The following GPR153 variants were observed in gnomAD, a reference collection of about 807,000 sequenced individuals.
The protein encoded by GPR153 is G protein-coupled receptor 153.
GPR153 carries 27 observed loss-of-function variants against 34.1 expected under a neutral mutation model. The ratio of observed to expected loss-of-function variants is 0.79; its 90% CI spans 0.58 to 1.09. The LOEUF (loss-of-function observed/expected upper bound fraction) is 1.09. Ranked by LOEUF, GPR153 falls within the 50% of genes least tolerant of loss-of-function variation. The pLI, the probability that GPR153 is intolerant of heterozygous loss-of-function variation, is 0.00. For synonymous variants in GPR153, 408 were observed against 405.4 expected (o/e 1.01, Z -0.08); for missense variants, 848 against 860.2 (o/e 0.99, Z 0.18).
intron 1 of GPR153, among the ~76,000 whole-genome samples, chr1:6,260,376 T>TCCC (rs1258623746): frequency 7.4e-4 from 10 of 13,472 alleles, no homozygotes; most frequent in South Asian, 2.3e-3. Flanking sequence ...GGGGCTCCGA[T>TCCC]CCCCCCCCCC....
chr1:6,253,179 G>T (rs920027041), intron 3 of GPR153, among the ~76,000 whole-genome samples: 11 of 152,184 alleles, frequency 7.2e-5, no homozygotes, highest in African/African-American at 2.7e-4. Context: ...ATCACCTGAG[G>T]TCAGGAGTTC....
In GPR153 at chr1:6,253,806, G is replaced by A. The variant is rs750547357; in HGVS notation, c.698C>T (p.Ser233Leu). 14 of 1,580,268 alleles carry A rather than the reference G, an allele frequency of 8.9e-6. No homozygotes were observed. The highest frequency in any genetic ancestry group is 3.5e-5 in the South Asian group (3 of 86,132). ...CTGCAGAGAGGTTTTGGCGGGCTCC[G>A]AGCCATCGATGGAGGAGCGCCGCTT... is the stretch of plus-strand genomic sequence containing the variant. ...QGKRRSSIDG[S>L]EPAKTSLQTT... The change falls in exon 3 of 6, where the codon TCG (serine) becomes TTG (leucine). Residue 233 changes from serine to leucine, a missense_variant. By Grantham distance (145) the Ser-to-Leu change is moderately radical (BLOSUM62 -2). Coordinates refer to ENST00000377893, the MANE Select transcript of GPR153 (RefSeq NM_207370.4).
Position 6,254,928 on chromosome 1 carries a change from C to A in GPR153, c.-23G>T. The A allele has an allele frequency of 2.0e-6, 3 of 1,503,512 alleles. No individual in the cohort carries two copies. The highest frequency in any genetic ancestry group is 2.7e-6 in the Non-Finnish European group (3 of 1,124,752). 93.1% of individuals were successfully genotyped at this position (1,503,512 alleles called of 1,614,324 possible). ...CATGGTGCAGACCGGAGCTGGCAGG[C>A]GGCTGTGGCATCCTCCTTGGAGCCA... On this transcript the variant is annotated 5_prime_UTR_variant, in exon 2 of 6. Coordinates refer to ENST00000377893, the MANE Select transcript of GPR153 (RefSeq NM_207370.4).
At chr1:6,260,438 G>A (rs1638650048) in intron 1 of GPR153, among the ~76,000 whole-genome samples, 1 of 145,518 alleles carries the variant, frequency 6.9e-6, no homozygotes, top group Non-Finnish European at 1.5e-5. Flanking sequence ...GTCCCCAGTG[G>A]GTGCCCCGAG....
chr1:6,253,176 G>A (rs1638486277), intron 3 of GPR153, among the ~76,000 whole-genome samples: 1 of 152,146 alleles, frequency 6.6e-6, no homozygotes, highest in Non-Finnish European at 1.5e-5. Flanking sequence ...CAGATCACCT[G>A]AGGTCAGGAG....
chr1:6,261,046 C>A lies in GPR153; in HGVS notation c.-331G>T, dbSNP rs1638669300. 6.8e-6 allele frequency: 1 copy of A among 147,766 alleles called. No homozygotes were observed. Among genetic ancestry groups the A allele is most frequent in the Admixed American group, 6.7e-5 (1 of 14,862 alleles). 9.2% of individuals were successfully genotyped at this position (147,766 alleles called of 1,614,324 possible). A position where few individuals can be genotyped will look rare whatever the true frequency, so the allele number is the denominator to read the frequency against. On this transcript the variant is annotated 5_prime_UTR_variant, in exon 1 of 6. Transcript: ENST00000377893. Reference sequence around the variant, plus strand: ...CCCCTCCCTCCCCTAGGCGCCGCCGCCGCCGCCGCGCTTCGCTCAGCTCCC... The same window carrying A: ...CCCCTCCCTCCCCTAGGCGCCGCCGACGCCGCCGCGCTTCGCTCAGCTCCC...
chr1:6,253,705 C>T lies in GPR153; in HGVS notation c.786+13G>A, dbSNP rs770274504. On this transcript the variant is annotated intron_variant, in intron 3 of 5. Transcript: ENST00000377893. ...CCCAGAGACAGGCCCCTCTACCCGA[C>T]GCCGTCACCCACCAGCACAGGGAAG... The T allele has an allele frequency of 1.5e-5, 22 of 1,515,732 alleles. No individual in the cohort carries two copies. Among genetic ancestry groups the T allele is most frequent in the East Asian group, 4.5e-5 (2 of 43,986 alleles). The allele number at this position is 1,515,732 out of a possible 1,614,324, so 93.9% of individuals were successfully genotyped here. A position where few individuals can be genotyped will look rare whatever the true frequency, so the allele number is the denominator to read the frequency against.
At chr1:6,256,971 C>CCT (rs1395786270) in intron 1 of GPR153, among the ~76,000 whole-genome samples, 1 of 152,216 alleles carries the variant, frequency 6.6e-6, no homozygotes, top group African/African-American at 2.4e-5. Context: ...TGCCCATGTC[C>CCT]CTGACACCCA....
chr1:6,250,061 C>A, intron 5 of GPR153, 58 bp from the exon 6 acceptor site: 1 of 1,261,844 alleles, frequency 7.9e-7, no homozygotes, highest in Non-Finnish European at 1.0e-6. Context: ...CGGGGACAAA[C>A]CCTTCTCCAC....
chr1:6,250,667 A>G (rs1438637534), intron 4 of GPR153, 43 bp from the exon 5 acceptor site: 3 of 656,332 alleles, frequency 4.6e-6, no homozygotes, highest in Non-Finnish European at 5.1e-6. Flanking sequence ...CCTTAGGGTC[A>G]TGGAAACTTG....
At chr1:6,252,856 C>A (rs1267276559) in intron 3 of GPR153, among the ~76,000 whole-genome samples, 1 of 152,058 alleles carries the variant, frequency 6.6e-6, no homozygotes, top group Admixed American at 6.5e-5. Context: ...CCCAGGCAGC[C>A]CCTCTGGACC....
At position 6,254,792 on chromosome 1, in the gene GPR153, C is replaced by A; in HGVS notation, c.114G>T (p.Lys38Asn). ...GILSVGAKQKKWKPLEFLLCT... is the reference protein window; with the variant it reads ...GILSVGAKQKNWKPLEFLLCT... ...ACAGCAGGAACTCCAAGGGCTTCCACTTCTTCTGCTTGGCGCCAACGCTGA... is the reference window on the plus strand; with the variant it reads ...ACAGCAGGAACTCCAAGGGCTTCCAATTCTTCTGCTTGGCGCCAACGCTGA... Residue 38 changes from lysine to asparagine, a missense_variant, in exon 2 of 6, where the codon AAG (lysine) becomes AAT (asparagine). Physicochemically the swap from Lys to Asn is moderately conservative, Grantham distance 94. Coordinates refer to ENST00000377893, the MANE Select transcript of GPR153 (RefSeq NM_207370.4). 2.5e-6 allele frequency: 4 copies of A among 1,613,520 alleles called. No homozygotes were observed. The East Asian group carries it at 6.7e-5, about 27-fold the overall frequency.
intron 1 of GPR153, among the ~76,000 whole-genome samples, chr1:6,256,866 C>A (rs1259371856): frequency 6.6e-6 from 1 of 152,216 alleles, no homozygotes; most frequent in African/African-American, 2.4e-5. Flanking sequence ...AGCACAAATG[C>A]CCTAAGGCGG....
Position 6,248,801 on chromosome 1 carries a change from G to A in GPR153, c.*537C>T, listed in dbSNP as rs1638357798. 6.6e-6 allele frequency: 1 copy of A among 152,398 alleles called. No individual in the cohort carries two copies. Among genetic ancestry groups the A allele is most frequent in the African/African-American group, 2.4e-5 (1 of 41,422 alleles). 9.4% of individuals were successfully genotyped at this position (152,398 alleles called of 1,614,324 possible). ...TGAGGCAGGACAGGTCGGAAGCAGGGAAACCTGATCAAAGCTTGTTCGGGC... is the reference window on the plus strand; with the variant it reads ...TGAGGCAGGACAGGTCGGAAGCAGGAAAACCTGATCAAAGCTTGTTCGGGC... On this transcript the variant is annotated 3_prime_UTR_variant, in exon 6 of 6. Transcript: ENST00000377893.
intron 1 of GPR153, among the ~76,000 whole-genome samples, chr1:6,256,427 G>C (rs1014663585): frequency 1.3e-5 from 2 of 148,820 alleles, no homozygotes; most frequent in Non-Finnish European, 3.0e-5. Flanking sequence ...CTGGAGTGCA[G>C]TGGCACCACC....
At chr1:6,252,635 C>G (rs1638473737) in intron 3 of GPR153, among the ~76,000 whole-genome samples, 1 of 152,196 alleles carries the variant, frequency 6.6e-6, no homozygotes, top group African/African-American at 2.4e-5. Flanking sequence ...CATTCTGGAG[C>G]TCATGTCCTC....
At chr1:6,256,393 C>T (rs1312207964) in intron 1 of GPR153, among the ~76,000 whole-genome samples, 2 of 138,328 alleles carry the variant, frequency 1.4e-5, no homozygotes, top group African/African-American at 2.6e-5. Flanking sequence ...TTTTTTTAGA[C>T]AGAGTCTTGC....
At chr1:6,260,328 GC>G (rs1324108435) in intron 1 of GPR153, among the ~76,000 whole-genome samples, 6 of 133,904 alleles carry the variant, frequency 4.5e-5, no homozygotes, top group South Asian at 4.6e-4. Flanking sequence ...TCTCCGGCAC[GC>G]CCCCCCCAGC....
In GPR153 at chr1:6,251,522, G is replaced by T; in HGVS notation, c.795C>A (p.Ser265Arg). The T allele has an allele frequency of 6.3e-7, 1 of 1,598,186 alleles. No individual in the cohort carries two copies. The highest frequency in any genetic ancestry group is 1.1e-5 in the South Asian group (1 of 89,536). Residue 265 changes from serine (S) to arginine (R), a missense_variant, in exon 4 of 6, where the codon AGC (serine) becomes AGA (arginine). Ser to Arg is a moderately radical substitution (Grantham distance 110). Transcript: ENST00000377893. The surrounding 1 kb of genome is among the most constrained non-coding windows in gnomAD (Gnocchi z 4.9). ...CLMGFPVLVV[S>R]FSSLRADASA... ...AGGCGTCGGCCCGCAGGCTGCTGAAGCTCACCACCTGTGGGCACAGGGCTC... is the reference window on the plus strand; with the variant it reads ...AGGCGTCGGCCCGCAGGCTGCTGAATCTCACCACCTGTGGGCACAGGGCTC...
Sources: gnomAD v4.1 joint callset for allele counts (sites outside exome capture counted in the v4.1 genomes callset) on GRCh38, gnomAD v4.1.1 for gene constraint, Gnocchi (gnomAD v3.1) non-coding constraint, MANE v1.5 for transcripts, NCBI Gene and HGNC (gene_info 2026-07-23, HGNC 2026-07-21) for gene names.